ZNF654: variants seen among roughly 807,000 people sequenced by gnomAD.
The protein encoded by ZNF654 is melanoma-associated antigen.
A neutral mutation model predicts 95.3 loss-of-function variants in ZNF654; 19 were observed. That is an observed-to-expected ratio of 0.20 (90% CI 0.14 to 0.29). ZNF654 has a LOEUF of 0.29. ZNF654 is among the 10% of genes least tolerant of loss of function. ZNF654 has a pLI of 1.00. For missense variants in ZNF654, 1,046 were observed against 1,341.0 expected (o/e 0.78, Z 3.44); for synonymous variants, 413 against 457.9 (o/e 0.90, Z 1.25).
chr3:88,127,030 T>G (rs1288607556), intron 4 of ZNF654, among the ~76,000 whole-genome samples: 1 of 152,104 alleles, frequency 6.6e-6, no homozygotes, highest in Non-Finnish European at 1.5e-5. Context: ...CCCATATCAT[T>G]CCTGAACCCC....
At chr3:88,127,488 A>G (rs1706186398) in intron 4 of ZNF654, among the ~76,000 whole-genome samples, 1 of 152,010 alleles carries the variant, frequency 6.6e-6, no homozygotes, top group Non-Finnish European at 1.5e-5. Context: ...CTGAGGAGGA[A>G]GAGTTGGATT....
rs1707076951 is a variant in ZNF654 at position 88,140,738 on chromosome 3, A to G, written c.3069A>G (p.Val1023=). The change falls in exon 8 of 9, where the codon GTA becomes GTG. Residue 1023 remains valine, a synonymous_variant. Transcript: ENST00000636215. ...VVPQEHNTLP[V]SQAPSKPNLT... ...CACAAGAACACAACACCTTGCCAGT[A>G]TCTCAGGCACCTTCCAAACCAAATC... The G allele has an allele frequency of 3.7e-6, 6 of 1,613,636 alleles. No individual in the cohort carries two copies. The highest frequency in any genetic ancestry group is 2.2e-5 in the South Asian group (2 of 91,076).
At chr3:88,079,971 CTT>C (rs1211872742) in intron 1 of ZNF654, among the ~76,000 whole-genome samples, 1 of 151,750 alleles carries the variant, frequency 6.6e-6, no homozygotes, top group East Asian at 1.9e-4. Flanking sequence ...TAAAACATGA[CTT>C]TTAGATTTCC....
intron 6 of ZNF654, among the ~76,000 whole-genome samples, chr3:88,134,706 T>C (rs1706667789): frequency 6.6e-6 from 1 of 152,112 alleles, no homozygotes; most frequent in Non-Finnish European, 1.5e-5. Flanking sequence ...GTTTTCTAAA[T>C]TTACAAGTAA....
intron 6 of ZNF654, 41 bp from the exon 7 acceptor site, chr3:88,135,020 A>C: frequency 4.6e-6 from 6 of 1,302,248 alleles, no homozygotes; most frequent in Non-Finnish European, 6.0e-6. Context: ...GTATTTGAAT[A>C]AACTGTATTT....
intron 1 of ZNF654, among the ~76,000 whole-genome samples, chr3:88,074,595 GC>G (rs1177497025): frequency 7.2e-5 from 11 of 152,104 alleles, no homozygotes; most frequent in African/African-American, 2.7e-4. Flanking sequence ...GCCTGCCTCG[GC>G]CTTCCAAAGT....
At chr3:88,059,605 C>T in intron 1 of ZNF654, 100 bp downstream of exon 1, 1 of 1,399,496 alleles carries the variant, frequency 7.1e-7, no homozygotes, top group South Asian at 1.5e-5. Context: ...GTCCAGTGCC[C>T]GCTCCTCCCC....
At chr3:88,104,198 C>T (rs1247110815) in intron 2 of ZNF654, among the ~76,000 whole-genome samples, 1 of 152,024 alleles carries the variant, frequency 6.6e-6, no homozygotes, top group Non-Finnish European at 1.5e-5. Context: ...AGATGCTGGA[C>T]AGAAATTTGG....
chr3:88,141,977 C>T lies in ZNF654; in HGVS notation c.*325C>T, dbSNP rs1707154562. 4.5e-6 allele frequency: 1 copy of T among 222,206 alleles called. No homozygotes were observed. The highest frequency in any genetic ancestry group is 5.5e-5 in the Admixed American group (1 of 18,224). 13.8% of individuals were successfully genotyped at this position (222,206 alleles called of 1,614,324 possible). A position where few individuals can be genotyped will look rare whatever the true frequency, so the allele number is the denominator to read the frequency against. On this transcript the variant is annotated 3_prime_UTR_variant, in exon 9 of 9. Transcript: ENST00000636215. ...AACTAGTCAGAAAACCAGCTATGGC[C>T]TTACAGAAAGGGAAAAATTAACCCA... is the stretch of plus-strand genomic sequence containing the variant.
intron 2 of ZNF654, among the ~76,000 whole-genome samples, chr3:88,094,474 C>T (rs1703938247): frequency 6.6e-6 from 1 of 151,986 alleles, no homozygotes; most frequent in Non-Finnish European, 1.5e-5. Flanking sequence ...TACCCTGTTC[C>T]CACCTACATT....
chr3:88,125,648 T>C (rs539963573), intron 3 of ZNF654, among the ~76,000 whole-genome samples: 3 of 152,284 alleles, frequency 2.0e-5, no homozygotes, highest in African/African-American at 7.2e-5. Flanking sequence ...TACCACGATT[T>C]AGATTATATA....
At chr3:88,074,530 C>G (rs1576209115) in intron 1 of ZNF654, among the ~76,000 whole-genome samples, 1 of 151,950 alleles carries the variant, frequency 6.6e-6, no homozygotes, top group East Asian at 1.9e-4. Context: ...TTAGTAGAGA[C>G]AGGATTTCAC....
rs1476847214 is a variant in ZNF654, at chr3:88,132,619, A to G, written c.894-2442A>G. 3.3e-5 allele frequency among the ~76,000 whole-genome samples: 5 copies of G among 152,204 alleles called. No individual in the cohort carries two copies. The East Asian group carries it at 9.6e-4, about 29-fold the overall frequency. Reference sequence around the variant, plus strand: ...AAGATTTCTGCTTTGCCTGCTTTAAAGCAAAAATCCATAGTGGTAGTCTTC... The same window carrying G: ...AAGATTTCTGCTTTGCCTGCTTTAAGGCAAAAATCCATAGTGGTAGTCTTC... On this transcript the variant is annotated intron_variant, in intron 6 of 8. Coordinates refer to ENST00000636215, the MANE Select transcript of ZNF654 (RefSeq NM_001350134.2).
chr3:88,142,218 T>G lies in ZNF654; in HGVS notation c.*566T>G, dbSNP rs1192525891. The stretch of plus-strand genomic sequence containing the variant: ...TTACCACAGTGCTATCAATTAAAGA[T>G]TGTAACAGGTTTCCAGATGATTAAT... On this transcript the variant is annotated 3_prime_UTR_variant, in exon 9 of 9. Coordinates refer to ENST00000636215, the MANE Select transcript of ZNF654 (RefSeq NM_001350134.2). 1 of 152,288 alleles carries G rather than the reference T, an allele frequency of 6.6e-6. No individual in the cohort carries two copies. Among genetic ancestry groups the G allele is most frequent in the Non-Finnish European group, 1.5e-5 (1 of 67,850 alleles). The allele number at this position is 152,288 out of a possible 1,614,324, so 9.4% of individuals were successfully genotyped here.
At chr3:88,073,833 A>G (rs1415162963) in intron 1 of ZNF654, among the ~76,000 whole-genome samples, 1 of 152,174 alleles carries the variant, frequency 6.6e-6, no homozygotes, top group African/African-American at 2.4e-5. Flanking sequence ...ATTTATCCCT[A>G]TTTAATAAGA....
chr3:88,119,488 A>T (rs1483934265), intron 3 of ZNF654, among the ~76,000 whole-genome samples: 39 of 150,522 alleles, frequency 2.6e-4, no homozygotes, highest in Non-Finnish European at 4.4e-5. Flanking sequence ...ACATGTATAC[A>T]TATGTAACTA....
intron 1 of ZNF654, among the ~76,000 whole-genome samples, chr3:88,071,941 G>A (rs1175584135): frequency 6.6e-6 from 1 of 152,154 alleles, no homozygotes; most frequent in Non-Finnish European, 1.5e-5. Context: ...TAACTTGTAA[G>A]TGCTCATAAA....
intron 2 of ZNF654, among the ~76,000 whole-genome samples, chr3:88,087,755 T>C (rs1256974899): frequency 6.6e-6 from 1 of 152,160 alleles, no homozygotes; most frequent in Non-Finnish European, 1.5e-5. Context: ...GAAACATTTA[T>C]TTAGGGGAGA....
chr3:88,089,439 C>T (rs549143397), intron 2 of ZNF654, among the ~76,000 whole-genome samples: 478 of 150,668 alleles, frequency 3.2e-3, no homozygotes, highest in Non-Finnish European at 5.4e-3. Flanking sequence ...TGCAGTGAGC[C>T]AAGATCATGC....
Sources: gnomAD v4.1 joint callset for allele counts (sites outside exome capture counted in the v4.1 genomes callset) on GRCh38, gnomAD v4.1.1 for gene constraint, MANE v1.5 for transcripts, NCBI Gene and HGNC (gene_info 2026-07-23, HGNC 2026-07-21) for gene names.